Variants in TENM3 observed in about 807,000 individuals in gnomAD.
The protein encoded by TENM3 is teneurin transmembrane protein 3.
Under a neutral mutation model 255.1 loss-of-function variants are expected in TENM3, and 63 were observed. The ratio of observed to expected loss-of-function variants is 0.25; its 90% CI spans 0.20 to 0.30. TENM3 has a LOEUF of 0.30. Ranked by LOEUF, TENM3 falls within the 10% of genes least tolerant of loss-of-function variation. The probability of loss-of-function intolerance (pLI) is 1.00; values close to 1 mark genes in which losing one functional copy is unlikely to be tolerated. For missense variants in TENM3, 2,929 were observed against 3,461.1 expected (o/e 0.85, Z 3.86); for synonymous variants, 1,306 against 1,322.3 (o/e 0.99, Z 0.27).
At chr4:181,756,542 G>A in the TENM3 span, among the ~76,000 whole-genome samples, 1 of 152,212 alleles carries the variant, frequency 6.6e-6, no homozygotes, top group Non-Finnish European at 1.5e-5. Flanking sequence ...TAATAGGAAT[G>A]ATTAAACCCT....
chr4:182,084,409 G>A, the TENM3 span, among the ~76,000 whole-genome samples: 4 of 152,184 alleles, frequency 2.6e-5, no homozygotes, highest in Admixed American at 2.6e-4. Context: ...TTTGCCTTCA[G>A]ATTGGATTTT....
chr4:182,424,304 T>A lies in TENM3; in HGVS notation c.511+77375T>A, dbSNP rs115952958. On this transcript the variant is annotated intron_variant, in intron 3 of 27. Coordinates refer to ENST00000511685, the MANE Select transcript of TENM3 (RefSeq NM_001080477.4). The stretch of plus-strand genomic sequence containing the variant: ...TATAAATGTAATGTTTGTTATAAAT[T>A]TGAGCATTAAAGTACCTTAATAAAT... 5.5e-3 allele frequency among the ~76,000 whole-genome samples: 842 copies of A among 152,254 alleles called. 12 individuals are homozygous for A. The highest frequency in any genetic ancestry group is 0.019 in the African/African-American group (802 of 41,570).
At chr4:182,596,069 C>T (rs1747186968) in intron 3 of TENM3, among the ~76,000 whole-genome samples, 1 of 152,096 alleles carries the variant, frequency 6.6e-6, no homozygotes, top group Non-Finnish European at 1.5e-5. Context: ...TAAATGTCAT[C>T]AATCAATCAG....
chr4:182,455,888 C>G (rs982126264), intron 3 of TENM3, among the ~76,000 whole-genome samples: 2 of 152,062 alleles, frequency 1.3e-5, no homozygotes, highest in African/African-American at 4.8e-5. Context: ...GTGGCTCCTC[C>G]TCCTCTCGGG....
At chr4:181,778,703 TG>T in the TENM3 span, among the ~76,000 whole-genome samples, 1 of 152,158 alleles carries the variant, frequency 6.6e-6, no homozygotes, top group African/African-American at 2.4e-5. Context: ...TGCTTTGAGC[TG>T]GATTCTCACT....
chr4:182,289,004 C>T (rs558886506), intron 1 of TENM3, among the ~76,000 whole-genome samples: 40 of 152,096 alleles, frequency 2.6e-4, no homozygotes, highest in African/African-American at 7.7e-4. Flanking sequence ...GCAGGAGGAT[C>T]GCTTGAATCC....
At chr4:181,906,539 A>C in the TENM3 span, 1 of 152,316 alleles carries the variant, frequency 6.6e-6, no homozygotes, top group African/African-American at 2.4e-5. Context: ...ATGAGAAACC[A>C]GAAGGATGGG....
chr4:182,775,956 T>TGATAGATAGATAGATA (rs60739992), intron 24 of TENM3, among the ~76,000 whole-genome samples: 5 of 151,034 alleles, frequency 3.3e-5, no homozygotes, highest in African/African-American at 1.2e-4. Flanking sequence ...GATATGTAGA[T>TGATAGATAGATAGATA]GATAGATAGA....
At chr4:182,678,689 G>A (rs775876380) in intron 7 of TENM3, among the ~76,000 whole-genome samples, 17 of 152,156 alleles carry the variant, frequency 1.1e-4, no homozygotes, top group South Asian at 2.1e-4. Flanking sequence ...GCCTTCCTAC[G>A]AGGGTTCCTA....
chr4:182,028,262 T>C, the TENM3 span, among the ~76,000 whole-genome samples: 7 of 152,320 alleles, frequency 4.6e-5, no homozygotes, highest in East Asian at 1.9e-4. Context: ...GGTATATACT[T>C]GCTCATAGTA....
chr4:182,209,023 CGG>C (rs1433361042), intron 1 of TENM3, among the ~76,000 whole-genome samples: 12 of 149,238 alleles, frequency 8.0e-5, no homozygotes, highest in Admixed American at 3.3e-4. Context: ...GGCTGGAGTG[CGG>C]TGGCACAGTC....
At chr4:182,116,114 A>C in the TENM3 span, among the ~76,000 whole-genome samples, 28 of 152,282 alleles carry the variant, frequency 1.8e-4, 2 homozygotes, top group South Asian at 5.4e-3. Context: ...GTTTGGACAA[A>C]TATATGACAT....
At chr4:182,523,749 A>T (rs1297456686) in intron 3 of TENM3, among the ~76,000 whole-genome samples, 1 of 152,186 alleles carries the variant, frequency 6.6e-6, no homozygotes, top group Non-Finnish European at 1.5e-5. Context: ...TTCTACATAT[A>T]TATCACTTAC....
chr4:181,906,366 A>T, the TENM3 span: 2 of 208,188 alleles, frequency 9.6e-6, no homozygotes, highest in Non-Finnish European at 2.1e-5. Flanking sequence ...GTACGAGAGA[A>T]CTCTCCCGAA....
chr4:181,922,292 T>C, the TENM3 span, among the ~76,000 whole-genome samples: 1 of 152,202 alleles, frequency 6.6e-6, no homozygotes, highest in Non-Finnish European at 1.5e-5. Context: ...TTGATTGGAA[T>C]AGTTTCAGAA....
At chr4:181,503,200 T>C in the TENM3 span, among the ~76,000 whole-genome samples, 1 of 152,054 alleles carries the variant, frequency 6.6e-6, no homozygotes, top group Admixed American at 6.5e-5. Flanking sequence ...CCCCCATCTC[T>C]ACAAAAAAAT....
chr4:181,483,962 A>C, the TENM3 span, among the ~76,000 whole-genome samples: 183 of 152,286 alleles, frequency 1.2e-3, 2 homozygotes, highest in South Asian at 0.029. Context: ...ATTTAAAGCA[A>C]AATGAAAGGT....
chr4:182,100,666 TACACATATATATAC>T, the TENM3 span, among the ~76,000 whole-genome samples: 1,482 of 83,436 alleles, frequency 0.018, 82 homozygotes, highest in Non-Finnish European at 0.026. Context: ...TACACATATA[TACACATATATATAC>T]ACACATATAT....
intron 4 of TENM3, among the ~76,000 whole-genome samples, chr4:182,615,064 TA>T (rs1749363936): frequency 1.6e-5 from 2 of 122,610 alleles, no homozygotes; most frequent in South Asian, 5.4e-4. Flanking sequence ...TATATATATA[TA>T]TGTATTTTTT....
Sources: gnomAD v4.1 joint callset for allele counts (sites outside exome capture counted in the v4.1 genomes callset) on GRCh38, gnomAD v4.1.1 for gene constraint, MANE v1.5 for transcripts, NCBI Gene and HGNC (gene_info 2026-07-23, HGNC 2026-07-21) for gene names.